CIMAP1D: variants seen among roughly 807,000 people sequenced by gnomAD.
CIMAP1D encodes protein CIMAP1D.
the CIMAP1D span, among the ~76,000 whole-genome samples, chr19:484,118 TTTTTC>T: frequency 2.7e-4 from 41 of 151,338 alleles, no homozygotes; most frequent in East Asian, 3.4e-3. Flanking sequence ...TTTATTTATT[TTTTTC>T]TTTTCTTTTC....
chr19:468,918 G>A, the CIMAP1D span, among the ~76,000 whole-genome samples: 1 of 134,186 alleles, frequency 7.5e-6, no homozygotes, highest in Admixed American at 7.7e-5. Context: ...CACGCAGCGT[G>A]GCCCAGACAC....
chr19:491,209 G>C, the CIMAP1D span, among the ~76,000 whole-genome samples: 1 of 151,298 alleles, frequency 6.6e-6, no homozygotes, highest in Non-Finnish European at 1.5e-5. Context: ...CCCAGGAGGC[G>C]GAGGTTGCAG....
the CIMAP1D span, among the ~76,000 whole-genome samples, chr19:471,249 C>T: frequency 6.6e-6 from 1 of 150,456 alleles, no homozygotes; most frequent in East Asian, 2.0e-4. Context: ...CCCGGGTTCA[C>T]GCCATTCTCC....
At chr19:465,210 G>T in the CIMAP1D span, among the ~76,000 whole-genome samples, 1 of 144,312 alleles carries the variant, frequency 6.9e-6, no homozygotes, top group African/African-American at 2.6e-5. Flanking sequence ...GGATGGATGG[G>T]TGGATAGAAT....
chr19:484,185 G>C, the CIMAP1D span, among the ~76,000 whole-genome samples: 1 of 138,462 alleles, frequency 7.2e-6, no homozygotes, highest in Non-Finnish European at 1.5e-5. Flanking sequence ...CTTGTCACCA[G>C]GCTGCAGTGC....
chr19:464,512 C>T, the CIMAP1D span: 1 of 664,696 alleles, frequency 1.5e-6, no homozygotes, highest in African/African-American at 1.9e-5. Flanking sequence ...ATCCTCCATA[C>T]ACATGGTCTG....
At chr19:471,237 C>T in the CIMAP1D span, among the ~76,000 whole-genome samples, 1 of 152,132 alleles carries the variant, frequency 6.6e-6, no homozygotes, top group Non-Finnish European at 1.5e-5. Flanking sequence ...CAGCATCTGC[C>T]TCCCGGGTTC....
the CIMAP1D span, among the ~76,000 whole-genome samples, chr19:476,243 CG>C: frequency 6.6e-6 from 1 of 151,718 alleles, no homozygotes. Context: ...TTAGTAGAGA[CG>C]GGGTTTCACC....
the CIMAP1D span, among the ~76,000 whole-genome samples, chr19:487,246 C>A: frequency 6.6e-6 from 1 of 152,176 alleles, no homozygotes; most frequent in African/African-American, 2.4e-5. Context: ...ATGTTGGCAG[C>A]CACGATGGGA....
the CIMAP1D span, among the ~76,000 whole-genome samples, chr19:486,805 A>T: frequency 7.1e-3 from 1,075 of 152,000 alleles, 10 homozygotes; most frequent in African/African-American, 0.024. Context: ...TCCCAGCTAC[A>T]CAGGAGGCTG....
chr19:465,422 G>T, the CIMAP1D span, among the ~76,000 whole-genome samples: 8 of 61,238 alleles, frequency 1.3e-4, no homozygotes, highest in African/African-American at 5.4e-4. Flanking sequence ...TGGATTGATG[G>T]GTAGGTGAGT....
At chr19:467,308 GTGTCAGGTGTGCGGGCAAAC>G in the CIMAP1D span, among the ~76,000 whole-genome samples, 2 of 151,916 alleles carry the variant, frequency 1.3e-5, no homozygotes, top group South Asian at 2.1e-4. Context: ...TCAGGCAGGT[GTGTCAGGTGTGCGGGCAAAC>G]TGTTGGGTGC....
the CIMAP1D span, chr19:467,765 G>A: frequency 6.4e-6 from 10 of 1,569,242 alleles, no homozygotes; most frequent in African/African-American, 1.2e-4. Context: ...AGGTGGTGCT[G>A]GGGAGAGGAG....
chr19:472,323 G>C, the CIMAP1D span: 1 of 883,422 alleles, frequency 1.1e-6, no homozygotes, highest in Non-Finnish European at 1.6e-6. Flanking sequence ...GGGGTAAGGA[G>C]ACCCATCAGT....
chr19:472,463 C>G, the CIMAP1D span: 14 of 1,547,172 alleles, frequency 9.0e-6, no homozygotes, highest in Non-Finnish European at 1.2e-5. Flanking sequence ...TTGATGAAGC[C>G]CACGGTGGAC....
the CIMAP1D span, chr19:474,607 C>A: frequency 4.0e-6 from 6 of 1,507,698 alleles, no homozygotes; most frequent in Admixed American, 8.0e-5. Flanking sequence ...CCATCCCCCA[C>A]GGCTGGCACG....
the CIMAP1D span, chr19:464,327 T>C: frequency 6.5e-7 from 1 of 1,541,342 alleles, no homozygotes. Flanking sequence ...GCACCTTCTC[T>C]GGGCTGTAGG....
the CIMAP1D span, among the ~76,000 whole-genome samples, chr19:479,416 G>A: frequency 1.4e-5 from 2 of 146,060 alleles, no homozygotes; most frequent in Non-Finnish European, 3.1e-5. Flanking sequence ...TTTTTTGGGG[G>A]GGGGGGGGAT....
chr19:474,431 A>T, the CIMAP1D span, among the ~76,000 whole-genome samples: 1 of 151,606 alleles, frequency 6.6e-6, no homozygotes, highest in Non-Finnish European at 1.5e-5. Flanking sequence ...GGACAGACAC[A>T]TACTCGGGGC....
Sources: gnomAD v4.1 joint callset for allele counts (sites outside exome capture counted in the v4.1 genomes callset) on GRCh38, gnomAD v4.1.1 for gene constraint, MANE v1.5 for transcripts, NCBI Gene and HGNC (gene_info 2026-07-23, HGNC 2026-07-21) for gene names.